Variants in UPK2 observed in about 807,000 individuals in gnomAD.
UPK2 encodes the protein uroplakin 2, also known as uroplakin-2.
In UPK2, 19 loss-of-function variants were observed where a neutral mutation model predicts 14.8. The ratio of observed to expected loss-of-function variants is 1.29; its 90% CI spans 0.90 to 1.89. UPK2 has a LOEUF of 1.89. Among genes scored for constraint, UPK2 ranks in the 40% most tolerant of loss-of-function variants. UPK2 has a pLI of 0.00. For missense variants in UPK2, 232 were observed against 236.0 expected, an observed-to-expected ratio of 0.98 and a Z score of 0.11; for synonymous variants, 102 against 101.6, an observed-to-expected ratio of 1.00 and a Z score of -0.02.
Position 118,956,627 on chromosome 11 carries a change from A to G in UPK2, c.76+201A>G, listed in dbSNP as rs1436178313. On this transcript the variant is annotated intron_variant, in intron 1 of 4. Transcript: ENST00000264031. The surrounding 1 kb of genome is among the most constrained non-coding windows in gnomAD (Gnocchi z 4.1). ...AGGAGGCAGAGAGGTGTGGGCAAGG[A>G]TCCGATGCTGCGGGGAGGGGTGAGG... Among the ~76,000 whole-genome samples the G allele has an allele frequency of 1.3e-5, 2 of 152,028 alleles. No individual in the cohort carries two copies. The highest frequency in any genetic ancestry group is 4.8e-5 in the African/African-American group (2 of 41,384).
At position 118,958,079 on chromosome 11, in the gene UPK2, T is replaced by C; in HGVS notation, c.419-18T>C. 6.2e-7 allele frequency: 1 copy of C among 1,605,170 alleles called. No individual in the cohort carries two copies. Among genetic ancestry groups the C allele is most frequent in the Non-Finnish European group, 8.5e-7 (1 of 1,173,846 alleles). Reference sequence around the variant, plus strand: ...GGGGTCTCTCCCGCCCACAGTGGTCTCCCCTCTCTTTTGACAGGAAGGAAC... The same window carrying C: ...GGGGTCTCTCCCGCCCACAGTGGTCCCCCCTCTCTTTTGACAGGAAGGAAC... On this transcript the variant is annotated intron_variant, in intron 4 of 4. Transcript: ENST00000264031. The surrounding 1 kb of genome is among the most constrained non-coding windows in gnomAD (Gnocchi z 4.6).
rs143837673 is a variant in UPK2 at position 118,956,372 on chromosome 11, C to T, written c.22C>T (p.Arg8Trp). 957 of 1,611,452 alleles carry T rather than the reference C, an allele frequency of 5.9e-4. No individual in the cohort carries two copies. The highest frequency in any genetic ancestry group is 7.6e-4 in the Non-Finnish European group (896 of 1,179,984). Residue 8 changes from arginine (R) to tryptophan (W), a missense_variant, in exon 1 of 5, where the codon CGG (arginine) becomes TGG (tryptophan). Coordinates refer to ENST00000264031, the MANE Select transcript of UPK2 (RefSeq NM_006760.4). The surrounding 1 kb of genome is among the most constrained non-coding windows in gnomAD (Gnocchi z 4.1). ...CAGCATGGCACCCCTGCTGCCCATC[C>T]GGACCTTGCCCTTGATCCTGATTCT... MAPLLPI[R>W]TLPLILILLA...
In UPK2 at chr11:118,956,318, C is replaced by T. The variant is rs1941561553; in HGVS notation, c.-33C>T. On this transcript the variant is annotated 5_prime_UTR_variant, in exon 1 of 5. Transcript: ENST00000264031. This position sits in a 1 kb window ranked among gnomAD's most constrained non-coding sequence, Gnocchi z 4.1. ...GCCTCACTTGCCTCAGGAACCCCAG[C>T]CTGCCAGCACCTATTCCACCTCCCA... is the stretch of plus-strand genomic sequence containing the variant. 4 of 1,602,404 alleles carry T rather than the reference C, an allele frequency of 2.5e-6. No homozygotes were observed. In the South Asian group the frequency reaches 4.4e-5, roughly 18 times the overall value.
In UPK2 at chr11:118,957,806, C is replaced by G. The variant is rs150911877; in HGVS notation, c.418+138C>G. Reference sequence around the variant, plus strand: ...GCCCCTGCTTACCTCTATCCTAGCACGGAACCTTCGGCATGGCTACTGCAC... The same window carrying G: ...GCCCCTGCTTACCTCTATCCTAGCAGGGAACCTTCGGCATGGCTACTGCAC... On this transcript the variant is annotated intron_variant, in intron 4 of 4. Coordinates refer to ENST00000264031, the MANE Select transcript of UPK2 (RefSeq NM_006760.4). 4.4e-4 allele frequency: 431 copies of G among 990,252 alleles called. 1 individual carries two copies. In the African/African-American group the frequency reaches 6.3e-3, roughly 15 times the overall value. 61.3% of individuals were successfully genotyped at this position (990,252 alleles called of 1,614,324 possible).
intron 4 of UPK2, 118 bp downstream of exon 4, chr11:118,957,786 T>A: frequency 8.7e-7 from 1 of 1,152,130 alleles, no homozygotes; most frequent in Non-Finnish European, 1.3e-6. Flanking sequence ...TCGGGGCCCC[T>A]GCTTACCTCT....
chr11:118,956,513 C>A lies in UPK2; in HGVS notation c.76+87C>A. 8.1e-7 allele frequency: 1 copy of A among 1,233,612 alleles called. No individual in the cohort carries two copies. The highest frequency in any genetic ancestry group is 1.3e-5 in the South Asian group (1 of 78,398). 76.4% of individuals were successfully genotyped at this position (1,233,612 alleles called of 1,614,324 possible). A position where few individuals can be genotyped will look rare whatever the true frequency, so the allele number is the denominator to read the frequency against. On this transcript the variant is annotated intron_variant, in intron 1 of 4. Coordinates refer to ENST00000264031, the MANE Select transcript of UPK2 (RefSeq NM_006760.4). The surrounding 1 kb of genome is among the most constrained non-coding windows in gnomAD (Gnocchi z 4.1). The stretch of plus-strand genomic sequence containing the variant: ...CCTTCCAGGGCTCTCAAAGAGAGGT[C>A]TGGACAGTTGGGAGTCAGGGCTGGT...
Position 118,957,599 on chromosome 11 carries a change from A to T in UPK2, c.349A>T (p.Ile117Phe). 2 of 1,614,102 alleles carry T rather than the reference A, an allele frequency of 1.2e-6. No homozygotes were observed. The highest frequency in any genetic ancestry group is 2.2e-5 in the East Asian group (1 of 44,876). ...CTACTCTCTCCCAAACCACAAAAGCATTTCCTACCTAGTGAAGAAGGGGAC... is the reference window on the plus strand; with the variant it reads ...CTACTCTCTCCCAAACCACAAAAGCTTTTCCTACCTAGTGAAGAAGGGGAC... ...TNLVPGTKFYISYLVKKGTAT... is the reference protein window; with the variant it reads ...TNLVPGTKFYFSYLVKKGTAT... Residue 117 changes from isoleucine to phenylalanine, a missense_variant and splice_region_variant, in exon 4 of 5, where the codon ATT becomes TTT. Coordinates refer to ENST00000264031, the MANE Select transcript of UPK2 (RefSeq NM_006760.4).
At chr11:118,957,063 C>T (rs1199371392) in intron 2 of UPK2, 49 bp downstream of exon 2, 1 of 1,610,790 alleles carries the variant, frequency 6.2e-7, no homozygotes, top group Non-Finnish European at 8.5e-7. Context: ...AAGACCCCTT[C>T]CTGCGACACC....
intron 3 of UPK2, 36 bp downstream of exon 3, chr11:118,957,382 G>C: frequency 1.2e-6 from 2 of 1,608,902 alleles, no homozygotes; most frequent in Non-Finnish European, 1.7e-6. Context: ...ACCTAGGGAA[G>C]GGGGTGCAGG....
Position 118,956,798 on chromosome 11 carries a change from G to A in UPK2, c.77-85G>A, listed in dbSNP as rs867359764. 3 of 1,565,088 alleles carry A rather than the reference G, an allele frequency of 1.9e-6. No homozygotes were observed. The highest frequency in any genetic ancestry group is 1.9e-4 in the Middle Eastern group (1 of 5,390). On this transcript the variant is annotated intron_variant, in intron 1 of 4. Coordinates refer to ENST00000264031, the MANE Select transcript of UPK2 (RefSeq NM_006760.4). This position sits in a 1 kb window ranked among gnomAD's most constrained non-coding sequence, Gnocchi z 4.1. ...CTGCCCAGGGTTCACAGAGTGGAAAGGGAGATGGCTCCAATGGGACCGGGC... is the reference window on the plus strand; with the variant it reads ...CTGCCCAGGGTTCACAGAGTGGAAAAGGAGATGGCTCCAATGGGACCGGGC...
chr11:118,956,865 C>T lies in UPK2; in HGVS notation c.77-18C>T. 1 of 1,613,738 alleles carries T rather than the reference C, an allele frequency of 6.2e-7. No individual in the cohort carries two copies. Among genetic ancestry groups the T allele is most frequent in the Non-Finnish European group, 8.5e-7 (1 of 1,179,880 alleles). On this transcript the variant is annotated intron_variant, in intron 1 of 4. Transcript: ENST00000264031. The surrounding 1 kb of genome is among the most constrained non-coding windows in gnomAD (Gnocchi z 4.1). ...GAGGGGTCAGTCCCCATCGGAGCTCCCTCCTGCCTCCCATCAGACTTCAAC... is the reference window on the plus strand; with the variant it reads ...GAGGGGTCAGTCCCCATCGGAGCTCTCTCCTGCCTCCCATCAGACTTCAAC...
chr11:118,957,965 TTGGCTGGCTGGCTGGCTGGC>T, intron 4 of UPK2, 112 bp from the exon 5 acceptor site: 1 of 1,309,184 alleles, frequency 7.6e-7, no homozygotes. Context: ...GGTTGGTTGG[TTGGCTGGCTGGCTGGCTGGC>T]TGGCTGGCTG....
rs1431986262 is a variant in UPK2, at chr11:118,957,587, A to G, written c.348-11A>G. 1 of 1,614,104 alleles carries G rather than the reference A, an allele frequency of 6.2e-7. No individual in the cohort carries two copies. Among genetic ancestry groups the G allele is most frequent in the Non-Finnish European group, 8.5e-7 (1 of 1,179,998 alleles). On this transcript the variant is annotated splice_polypyrimidine_tract_variant and intron_variant, in intron 3 of 4. Transcript: ENST00000264031. Reference sequence around the variant, plus strand: ...ACTGAGGGTTCTCTACTCTCTCCCAAACCACAAAAGCATTTCCTACCTAGT... The same window carrying G: ...ACTGAGGGTTCTCTACTCTCTCCCAGACCACAAAAGCATTTCCTACCTAGT...
In UPK2 at chr11:118,956,530, A is replaced by G. The variant is rs549915657; in HGVS notation, c.76+104A>G. 4.9e-6 allele frequency: 5 copies of G among 1,020,202 alleles called. No individual in the cohort carries two copies. Among genetic ancestry groups the G allele is most frequent in the African/African-American group, 3.2e-5 (2 of 63,088 alleles). The allele number at this position is 1,020,202 out of a possible 1,614,324, so 63.2% of individuals were successfully genotyped here. A position where few individuals can be genotyped will look rare whatever the true frequency, so the allele number is the denominator to read the frequency against. ...AGAGAGGTCTGGACAGTTGGGAGTC[A>G]GGGCTGGTGATGGCAGTGACTGGGT... On this transcript the variant is annotated intron_variant, in intron 1 of 4. Coordinates refer to ENST00000264031, the MANE Select transcript of UPK2 (RefSeq NM_006760.4). This position sits in a 1 kb window ranked among gnomAD's most constrained non-coding sequence, Gnocchi z 4.1.
At chr11:118,957,113 CGT>C (rs1941569436) in intron 2 of UPK2, 93 bp from the exon 3 acceptor site, 7 of 1,605,528 alleles carry the variant, frequency 4.4e-6, no homozygotes, top group Non-Finnish European at 6.0e-6. Flanking sequence ...CCTGTCCACC[CGT>C]CTCCTGGGGT....
intron 2 of UPK2, 26 bp from the exon 3 acceptor site, chr11:118,957,182 C>A (rs775337577): frequency 1.2e-6 from 2 of 1,613,928 alleles, no homozygotes; most frequent in Non-Finnish European, 1.7e-6. Context: ...TTGACCCAGT[C>A]TTCCCCTCCC....
In UPK2 at chr11:118,956,416, AG is replaced by A; in HGVS notation, c.70del (p.Ala24LeufsTer17). ...ILILLALLSPGAADFNISSLS... is the reference protein window; with the variant it reads ...ILILLALLSPXAADFNISSLS... ...TGATTCTGCTGGCTCTGCTGTCCCC[AG>A]GGGCTGCAGGTCTCTTCCATCTCTG... On this transcript the variant is annotated frameshift_variant, in exon 1 of 5. Transcript: ENST00000264031. LOFTEE classifies it high-confidence loss of function. This position sits in a 1 kb window ranked among gnomAD's most constrained non-coding sequence, Gnocchi z 4.1. 1.2e-6 allele frequency: 2 copies of A among 1,607,784 alleles called. No homozygotes were observed.
At chr11:118,957,473 G>A in intron 3 of UPK2, 125 bp from the exon 4 acceptor site, 1 of 1,546,118 alleles carries the variant, frequency 6.5e-7, no homozygotes, top group African/African-American at 1.4e-5. Context: ...TGAAAGCTGG[G>A]CCTCTTGGAG....
intron 4 of UPK2, among the ~76,000 whole-genome samples, 183 bp downstream of exon 4, chr11:118,957,851 G>A (rs534963481): frequency 1.3e-5 from 2 of 152,322 alleles, no homozygotes; most frequent in East Asian, 3.9e-4. Flanking sequence ...AAGGTTCCTC[G>A]TGGGCAGGGA....
Sources: gnomAD v4.1 joint callset for allele counts (sites outside exome capture counted in the v4.1 genomes callset) on GRCh38, gnomAD v4.1.1 for gene constraint, Gnocchi (gnomAD v3.1) non-coding constraint, MANE v1.5 for transcripts, NCBI Gene and HGNC (gene_info 2026-07-23, HGNC 2026-07-21) for gene names.